Variants in IL17RD observed in about 807,000 individuals in gnomAD.
IL17RD encodes interleukin-17 receptor D.
Under a neutral mutation model 80.5 loss-of-function variants are expected in IL17RD, and 52 were observed. The ratio of observed to expected loss-of-function variants is 0.65; its 90% CI spans 0.52 to 0.81. The LOEUF is 0.81. Among genes scored for constraint, IL17RD ranks in the 40% least tolerant of loss-of-function variants. IL17RD has a pLI of 0.00. For synonymous variants in IL17RD, 416 were observed against 391.8 expected (o/e 1.06, Z -0.73); for missense variants, 1,024 against 955.1 (o/e 1.07, Z -0.95).
chr3:57,103,223 T>C, intron 8 of IL17RD, 78 bp from the exon 9 acceptor site: 1 of 1,279,336 alleles, frequency 7.8e-7, no homozygotes, highest in Non-Finnish European at 1.1e-6. Flanking sequence ...GGTAATTTCA[T>C]TCATCTTTTC....
chr3:57,097,574 C>T, intron 12 of IL17RD, 22 bp downstream of exon 12: 1 of 1,537,950 alleles, frequency 6.5e-7, no homozygotes, highest in Non-Finnish European at 8.8e-7. Flanking sequence ...CCTGTTAGGA[C>T]CCGGCCCCAA....
intron 1 of IL17RD, among the ~76,000 whole-genome samples, chr3:57,164,342 G>C (rs1022148813): frequency 2.0e-5 from 3 of 152,202 alleles, no homozygotes; most frequent in Non-Finnish European, 4.4e-5. Flanking sequence ...AGCTGAGAGG[G>C]GAATGGCAAT....
At chr3:57,116,565 G>A (rs1486213720) in intron 2 of IL17RD, among the ~76,000 whole-genome samples, 3 of 152,034 alleles carry the variant, frequency 2.0e-5, no homozygotes, top group Admixed American at 6.5e-5. Context: ...GATTAGAGGC[G>A]TGAGCCACCA....
At chr3:57,138,197 T>A (rs566306516) in intron 1 of IL17RD, among the ~76,000 whole-genome samples, 6 of 152,324 alleles carry the variant, frequency 3.9e-5, no homozygotes, top group Admixed American at 3.9e-4. Context: ...TTGCAAAACA[T>A]TGTGAATTTA....
chr3:57,103,430 C>A (rs951709315), intron 8 of IL17RD, among the ~76,000 whole-genome samples: 1 of 152,084 alleles, frequency 6.6e-6, no homozygotes, highest in African/African-American at 2.4e-5. Flanking sequence ...CTGGTGAGTC[C>A]CACGTTCTAA....
At position 57,093,940 on chromosome 3, in the gene IL17RD, C is replaced by T. The variant is rs1176499367; in HGVS notation, c.*2453G>A. 6.6e-6 allele frequency: 1 copy of T among 152,230 alleles called. No individual in the cohort carries two copies. The highest frequency in any genetic ancestry group is 1.5e-5 in the Non-Finnish European group (1 of 68,058). 9.4% of individuals were successfully genotyped at this position (152,230 alleles called of 1,614,324 possible). ...GGTTTTCCTGGAAACCTGGACTTAT[C>T]CCTGGTCTCTTTTCTAGAGGACGTT... On this transcript the variant is annotated 3_prime_UTR_variant, in exon 13 of 13. Coordinates refer to ENST00000296318, the MANE Select transcript of IL17RD (RefSeq NM_017563.5).
At chr3:57,113,210 T>C (rs1471969258) in intron 3 of IL17RD, among the ~76,000 whole-genome samples, 4 of 152,216 alleles carry the variant, frequency 2.6e-5, no homozygotes, top group Non-Finnish European at 4.4e-5. Context: ...GTTTGCTTTT[T>C]TCTTTTAGTT....
chr3:57,125,410 A>C (rs1707438317), intron 1 of IL17RD, among the ~76,000 whole-genome samples: 1 of 151,536 alleles, frequency 6.6e-6, no homozygotes, highest in Non-Finnish European at 1.5e-5. Context: ...TCCATCTCTA[A>C]AGAAAAAAAA....
chr3:57,104,294 C>A (rs1385138653), intron 8 of IL17RD, 48 bp downstream of exon 8: 1 of 1,279,348 alleles, frequency 7.8e-7, no homozygotes. Flanking sequence ...TCTATATGAA[C>A]TGGGTTCATT....
At chr3:57,131,375 G>C (rs1707605717) in intron 1 of IL17RD, among the ~76,000 whole-genome samples, 1 of 152,310 alleles carries the variant, frequency 6.6e-6, no homozygotes, top group African/African-American at 2.4e-5. Flanking sequence ...CCTGCCTTAA[G>C]AAGGGTGAAA....
intron 1 of IL17RD, chr3:57,150,165 T>C (rs1415012733): frequency 6.6e-6 from 1 of 152,138 alleles, no homozygotes; most frequent in African/African-American, 2.4e-5. Flanking sequence ...AGGCCCGGAA[T>C]CTCCCCCCAC....
chr3:57,111,016 G>A (rs1251166793), intron 3 of IL17RD, among the ~76,000 whole-genome samples: 2 of 152,140 alleles, frequency 1.3e-5, no homozygotes, highest in Admixed American at 6.5e-5. Flanking sequence ...CTGCACGTCC[G>A]ACTAGATGCT....
At chr3:57,112,908 T>C (rs1446223561) in intron 3 of IL17RD, among the ~76,000 whole-genome samples, 5 of 152,226 alleles carry the variant, frequency 3.3e-5, no homozygotes, top group Admixed American at 6.5e-5. Context: ...GTTCTGATCA[T>C]GGTAATAGCA....
intron 1 of IL17RD, among the ~76,000 whole-genome samples, chr3:57,150,813 C>T (rs1296812414): frequency 1.3e-5 from 2 of 152,160 alleles, no homozygotes; most frequent in African/African-American, 4.8e-5. Context: ...AAGAGGAATT[C>T]AGAAGAGTCA....
rs1706642327 is a variant in IL17RD, at chr3:57,095,127, T to C, written c.*1266A>G. 6.6e-6 allele frequency: 1 copy of C among 152,260 alleles called. No homozygotes were observed. The highest frequency in any genetic ancestry group is 6.5e-5 in the Admixed American group (1 of 15,272). 9.4% of individuals were successfully genotyped at this position (152,260 alleles called of 1,614,324 possible). A position where few individuals can be genotyped will look rare whatever the true frequency, so the allele number is the denominator to read the frequency against. On this transcript the variant is annotated 3_prime_UTR_variant, in exon 13 of 13. Transcript: ENST00000296318. The stretch of plus-strand genomic sequence containing the variant: ...GAAGTGAAAACCACATTCCCTGGGC[T>C]GAATGCTGAGAAAACGGGTGCCAAA...
chr3:57,161,934 G>C (rs1464789841), intron 1 of IL17RD, among the ~76,000 whole-genome samples: 1 of 152,212 alleles, frequency 6.6e-6, no homozygotes, highest in Non-Finnish European at 1.5e-5. Context: ...AGGACCCTAA[G>C]AGAATTTTTT....
At chr3:57,104,452 A>G (rs1259011346) in intron 7 of IL17RD, 45 bp from the exon 8 acceptor site, 2 of 1,358,852 alleles carry the variant, frequency 1.5e-6, no homozygotes, top group African/African-American at 1.4e-5. Flanking sequence ...TTCTTGGGCA[A>G]AGGTCTTCAG....
At position 57,140,074 on chromosome 3, in the gene IL17RD, A is replaced by G. The variant is rs551002498; in HGVS notation, c.127-19761T>C. On this transcript the variant is annotated intron_variant, in intron 1 of 12. Coordinates refer to ENST00000296318, the MANE Select transcript of IL17RD (RefSeq NM_017563.5). ...AGTTCACTGTCAGGCTTCTGCATAAAGATACCGAGCCGGGCACCTTAGAGG... is the reference window on the plus strand; with the variant it reads ...AGTTCACTGTCAGGCTTCTGCATAAGGATACCGAGCCGGGCACCTTAGAGG... Among the ~76,000 whole-genome samples, 4 of 152,330 alleles carry G rather than the reference A, an allele frequency of 2.6e-5. No individual in the cohort carries two copies. In the South Asian group the frequency reaches 8.3e-4, roughly 32 times the overall value.
chr3:57,115,807 A>G (rs973951742), intron 2 of IL17RD, among the ~76,000 whole-genome samples: 1 of 152,154 alleles, frequency 6.6e-6, no homozygotes, highest in Non-Finnish European at 1.5e-5. Context: ...AGTTCCATCA[A>G]ACATCCAAAC....
Sources: gnomAD v4.1 joint callset for allele counts (sites outside exome capture counted in the v4.1 genomes callset) on GRCh38, gnomAD v4.1.1 for gene constraint, MANE v1.5 for transcripts, NCBI Gene and HGNC (gene_info 2026-07-23, HGNC 2026-07-21) for gene names.